The following HIVEP3 variants were observed in gnomAD, a reference collection of about 807,000 sequenced individuals.
HIVEP3 encodes the protein HIVEP zinc finger 3.
HIVEP3 carries 49 observed loss-of-function variants against 152.8 expected under a neutral mutation model. That is an observed-to-expected ratio of 0.32 (90% CI 0.26 to 0.41). The LOEUF (loss-of-function observed/expected upper bound fraction) is 0.41. HIVEP3 is among the 10% of genes least tolerant of loss of function. The probability of loss-of-function intolerance (pLI) is 1.00; values close to 1 mark genes in which losing one functional copy is unlikely to be tolerated. For missense variants in HIVEP3, 2,790 were observed against 3,103.3 expected (o/e 0.90, Z 2.40); for synonymous variants, 1,269 against 1,289.0 (o/e 0.98, Z 0.33).
chr1:41,795,275 A>G (rs534424788), intron 1 of HIVEP3, among the ~76,000 whole-genome samples: 10 of 152,308 alleles, frequency 6.6e-5, no homozygotes, highest in Admixed American at 2.0e-4. Flanking sequence ...GTCCTGGTAC[A>G]GTATTTTGTA....
At position 41,664,666 on chromosome 1, in the gene HIVEP3, A is replaced by G. The variant is rs149208570; in HGVS notation, c.-720-35719T>C. Among the ~76,000 whole-genome samples, 62 of 152,290 alleles carry G rather than the reference A, an allele frequency of 4.1e-4. No individual in the cohort carries two copies. The East Asian group carries it at 9.5e-3, about 23-fold the overall frequency. ...GGGCAAATCCTAAGACAAACTAACCAGAGGACGGGGGAGAATTTACCCAAC... is the reference window on the plus strand; with the variant it reads ...GGGCAAATCCTAAGACAAACTAACCGGAGGACGGGGGAGAATTTACCCAAC... On this transcript the variant is annotated intron_variant, in intron 2 of 8. Transcript: ENST00000372583. This position sits in a 1 kb window ranked among gnomAD's most constrained non-coding sequence, Gnocchi z 4.4.
chr1:41,803,081 C>A (rs936541720), intron 1 of HIVEP3, among the ~76,000 whole-genome samples: 1 of 152,210 alleles, frequency 6.6e-6, no homozygotes, highest in African/African-American at 2.4e-5. Flanking sequence ...GCTGGTGAGG[C>A]CACCTCCCTC....
chr1:41,539,307 GCT>G (rs1643472898), intron 5 of HIVEP3, among the ~76,000 whole-genome samples: 3 of 152,148 alleles, frequency 2.0e-5, no homozygotes, highest in Admixed American at 1.3e-4. Context: ...TCACACCCAT[GCT>G]CTGAGCTCTG....
intron 1 of HIVEP3, among the ~76,000 whole-genome samples, chr1:41,891,619 G>C (rs1462097731): frequency 6.6e-6 from 1 of 152,202 alleles, no homozygotes; most frequent in African/African-American, 2.4e-5. Context: ...CAAATGATTT[G>C]AATGTGTGGG....
chr1:41,664,202 T>G lies in HIVEP3; in HGVS notation c.-720-35255A>C, dbSNP rs1033705124. On this transcript the variant is annotated intron_variant, in intron 2 of 8. Coordinates refer to ENST00000372583, the MANE Select transcript of HIVEP3 (RefSeq NM_024503.5). The surrounding 1 kb of genome is among the most constrained non-coding windows in gnomAD (Gnocchi z 4.4). ...GGGGTGGGGTGCCCCCTGGGACAGA[T>G]TCCTGCTCCTCACTCCACTCCTGCC... Among the ~76,000 whole-genome samples the G allele has an allele frequency of 2.0e-5, 3 of 152,214 alleles. No homozygotes were observed. The highest frequency in any genetic ancestry group is 7.2e-5 in the African/African-American group (3 of 41,466).
At chr1:41,813,517 C>T (rs1442828220) in intron 1 of HIVEP3, among the ~76,000 whole-genome samples, 2 of 152,184 alleles carry the variant, frequency 1.3e-5, no homozygotes, top group African/African-American at 4.8e-5. Context: ...TTGTCCATCC[C>T]CAGCCATTAA....
Position 41,604,076 on chromosome 1 carries a change from A to C in HIVEP3, c.-521-18758T>G, listed in dbSNP as rs577683634. Among the ~76,000 whole-genome samples the C allele has an allele frequency of 2.1e-3, 325 of 152,380 alleles. 1 individual carries two copies. Among genetic ancestry groups the C allele is most frequent in the South Asian group, 4.8e-3 (23 of 4,830 alleles). On this transcript the variant is annotated intron_variant, in intron 3 of 8. Coordinates refer to ENST00000372583, the MANE Select transcript of HIVEP3 (RefSeq NM_024503.5). ...GGTACAACTGGAACTCTTCTTGTGC[A>C]TTGTTAGTGGGAAGGTAAATAGACA...
At chr1:41,557,535 G>A (rs1384059606) in intron 5 of HIVEP3, among the ~76,000 whole-genome samples, 1 of 152,194 alleles carries the variant, frequency 6.6e-6, no homozygotes, top group Non-Finnish European at 1.5e-5. Flanking sequence ...AAGGCATTGG[G>A]GAATGAAGGC....
intron 3 of HIVEP3, among the ~76,000 whole-genome samples, chr1:41,594,913 G>C (rs752027549): frequency 3.0e-4 from 46 of 152,088 alleles, no homozygotes; most frequent in Non-Finnish European, 5.0e-4. Context: ...TGTGTGTAAG[G>C]AGTGAGGTAA....
intron 5 of HIVEP3, among the ~76,000 whole-genome samples, chr1:41,531,671 C>T (rs28971433): frequency 1.9e-3 from 71 of 37,502 alleles, no homozygotes; most frequent in Admixed American, 2.8e-3. Flanking sequence ...ACAGGGGAGA[C>T]GGAGGACATG....
chr1:41,952,113 A>C (rs1182013417), intron 1 of HIVEP3, among the ~76,000 whole-genome samples: 1 of 152,182 alleles, frequency 6.6e-6, no homozygotes, highest in Non-Finnish European at 1.5e-5. Flanking sequence ...ATCTTCCCTG[A>C]AGATACATTC....
chr1:41,581,923 C>T lies in HIVEP3; in HGVS notation c.2875G>A (p.Ala959Thr), dbSNP rs1182378856. The change falls in exon 4 of 9, where the codon GCC becomes ACC. Residue 959 changes from alanine (A) to threonine (T), a missense_variant. Ala to Thr is a moderately conservative substitution (Grantham distance 58). This residue lies in a region of HIVEP3 where 1,078 missense variants were observed against 1,165.3 expected (regional missense o/e 0.93). Transcript: ENST00000372583. This position sits in a 1 kb window ranked among gnomAD's most constrained non-coding sequence, Gnocchi z 4.5. Reference sequence around the variant, plus strand: ...CGCATGTCAGATGAGGGACTGGGGGCCTCGGCTTTCCCATGGTCATCCCTC... The same window carrying T: ...CGCATGTCAGATGAGGGACTGGGGGTCTCGGCTTTCCCATGGTCATCCCTC... ...FERDDHGKAE[A>T]PSPSSDMRPK... 1.9e-6 allele frequency: 3 copies of T among 1,614,082 alleles called. No homozygotes were observed. Among genetic ancestry groups the T allele is most frequent in the Non-Finnish European group, 2.5e-6 (3 of 1,179,996 alleles).
At chr1:41,946,279 C>T (rs779617999) in intron 1 of HIVEP3, among the ~76,000 whole-genome samples, 12 of 152,206 alleles carry the variant, frequency 7.9e-5, no homozygotes, top group Non-Finnish European at 1.3e-4. Flanking sequence ...AGCCACTAAC[C>T]TGATGATCCA....
intron 1 of HIVEP3, among the ~76,000 whole-genome samples, chr1:41,964,626 C>T (rs1302761146): frequency 1.3e-5 from 2 of 152,190 alleles, no homozygotes; most frequent in Admixed American, 1.3e-4. Flanking sequence ...GAGGAATTCC[C>T]CCACAGGTGC....
chr1:41,605,653 A>C (rs1359058473), intron 3 of HIVEP3, among the ~76,000 whole-genome samples: 2 of 152,118 alleles, frequency 1.3e-5, no homozygotes, highest in Non-Finnish European at 2.9e-5. Context: ...GGGACGGCTC[A>C]CCAGCGTAGG....
At chr1:41,985,439 G>T (rs77274285) in intron 1 of HIVEP3, among the ~76,000 whole-genome samples, 2,296 of 152,274 alleles carry the variant, frequency 0.015, 55 homozygotes, top group African/African-American at 0.053. Context: ...TCTGGTGAGG[G>T]CATACCTCCT....
At chr1:41,827,059 A>G (rs1015495565) in intron 1 of HIVEP3, among the ~76,000 whole-genome samples, 14 of 152,110 alleles carry the variant, frequency 9.2e-5, no homozygotes, top group Admixed American at 9.2e-4. Flanking sequence ...TGCTGCCTCT[A>G]TGGTAGCTGA....
At chr1:41,986,595 C>G (rs1645324865) in intron 1 of HIVEP3, among the ~76,000 whole-genome samples, 1 of 152,098 alleles carries the variant, frequency 6.6e-6, no homozygotes, top group South Asian at 2.1e-4. Flanking sequence ...CGCCCGCCAC[C>G]ACGCCCGGCT....
chr1:41,888,857 AC>A (rs1396165432), intron 1 of HIVEP3, among the ~76,000 whole-genome samples: 10 of 141,376 alleles, frequency 7.1e-5, no homozygotes, highest in Non-Finnish European at 1.2e-4. Context: ...CATACCACAT[AC>A]CTCACACACA....
Sources: allele counts gnomAD v4.1 joint callset (sites outside exome capture counted in the v4.1 genomes callset), GRCh38; gene constraint gnomAD v4.1.1; regional missense constraint gnomAD v4.1.1; non-coding constraint Gnocchi (gnomAD v3.1); transcripts MANE v1.5; gene names NCBI Gene and HGNC (gene_info 2026-07-23, HGNC 2026-07-21).